DEPTOR: variants seen among roughly 807,000 people sequenced by gnomAD.
The protein encoded by DEPTOR is DEP domain-containing mTOR-interacting protein.
A neutral mutation model predicts 41.6 loss-of-function variants in DEPTOR; 41 were observed. The observed-to-expected ratio is 0.98, with a 90% CI of 0.77 to 1.28. The LOEUF is 1.28. Ranked by LOEUF, DEPTOR falls within the 50% of genes most tolerant of loss-of-function variation. The probability of loss-of-function intolerance (pLI) is 0.00; values close to 1 mark genes in which losing one functional copy is unlikely to be tolerated. For missense variants in DEPTOR, 514 were observed against 527.9 expected, an observed-to-expected ratio of 0.97 and a Z score of 0.26; for synonymous variants, 195 against 192.3, an observed-to-expected ratio of 1.01 and a Z score of -0.12.
chr8:119,887,747 C>T (rs1341657999), intron 1 of DEPTOR, among the ~76,000 whole-genome samples: 3 of 151,418 alleles, frequency 2.0e-5, no homozygotes, highest in Non-Finnish European at 4.4e-5. Flanking sequence ...TCAAGTGATC[C>T]GCCCACCTCA....
intron 1 of DEPTOR, among the ~76,000 whole-genome samples, chr8:119,892,604 T>C (rs538528549): frequency 1.3e-5 from 2 of 152,336 alleles, no homozygotes; most frequent in African/African-American, 4.8e-5. Flanking sequence ...ATTTTTCTTA[T>C]GCCTGTGTTG....
intron 4 of DEPTOR, among the ~76,000 whole-genome samples, chr8:119,978,705 G>T (rs1191985182): frequency 6.6e-6 from 1 of 152,098 alleles, no homozygotes. Context: ...TGGGACCCAG[G>T]CTCTCCTTAT....
At chr8:119,972,154 C>T (rs375309316) in intron 4 of DEPTOR, among the ~76,000 whole-genome samples, 6 of 152,186 alleles carry the variant, frequency 3.9e-5, no homozygotes, top group African/African-American at 9.6e-5. Flanking sequence ...CAGCATCTAC[C>T]TCTTATGGCC....
intron 3 of DEPTOR, among the ~76,000 whole-genome samples, chr8:119,964,991 T>G (rs1264744906): frequency 6.6e-6 from 1 of 152,002 alleles, no homozygotes; most frequent in Admixed American, 6.6e-5. Context: ...AAGAATTGCT[T>G]GAACCCAGGA....
chr8:119,879,367 G>T (rs1827268467), intron 1 of DEPTOR, among the ~76,000 whole-genome samples: 1 of 152,098 alleles, frequency 6.6e-6, no homozygotes. Context: ...GAGAAAACAT[G>T]TCTACATAAA....
At position 119,910,863 on chromosome 8, in the gene DEPTOR, G is replaced by C. The variant is rs868314070; in HGVS notation, c.123-17537G>C. 2.0e-5 allele frequency among the ~76,000 whole-genome samples: 3 copies of C among 152,316 alleles called. No individual in the cohort carries two copies. The South Asian group carries it at 6.2e-4, about 32-fold the overall frequency. ...ACATTTGACTACGTGAGTTAATGAT[G>C]AGTAAGGGATAGTTAACCCCCAAAA... is the stretch of plus-strand genomic sequence containing the variant. On this transcript the variant is annotated intron_variant, in intron 1 of 8. Coordinates refer to ENST00000286234, the MANE Select transcript of DEPTOR (RefSeq NM_022783.4).
At chr8:119,899,366 A>G (rs1371941859) in intron 1 of DEPTOR, among the ~76,000 whole-genome samples, 1 of 152,200 alleles carries the variant, frequency 6.6e-6, no homozygotes, top group Non-Finnish European at 1.5e-5. Flanking sequence ...TGAAGAAGGA[A>G]TTACCTGCTC....
intron 1 of DEPTOR, among the ~76,000 whole-genome samples, chr8:119,884,472 G>A (rs1827338550): frequency 6.6e-6 from 1 of 152,118 alleles, no homozygotes; most frequent in African/African-American, 2.4e-5. Context: ...AGTGTAGTGG[G>A]GGGACAGTGT....
intron 8 of DEPTOR, among the ~76,000 whole-genome samples, chr8:120,043,339 A>G (rs1363654470): frequency 6.6e-6 from 1 of 152,138 alleles, no homozygotes; most frequent in East Asian, 1.9e-4. Context: ...TTTTGAAGGC[A>G]TTATTTTTTG....
intron 3 of DEPTOR, among the ~76,000 whole-genome samples, chr8:119,958,497 TA>T (rs1828446984): frequency 6.6e-6 from 1 of 151,722 alleles, no homozygotes; most frequent in Admixed American, 6.6e-5. Context: ...AGAAGTTGCA[TA>T]ACGTGGCCGG....
intron 8 of DEPTOR, among the ~76,000 whole-genome samples, chr8:120,039,798 C>T (rs1452313156): frequency 6.6e-6 from 1 of 152,136 alleles, no homozygotes; most frequent in East Asian, 1.9e-4. Context: ...AAATTTGGCT[C>T]TAAAAATGAA....
intron 1 of DEPTOR, among the ~76,000 whole-genome samples, chr8:119,902,490 C>G (rs1272085009): frequency 6.6e-6 from 1 of 152,084 alleles, no homozygotes; most frequent in African/African-American, 2.4e-5. Context: ...CAGGCATGTG[C>G]CACCACACCT....
intron 8 of DEPTOR, among the ~76,000 whole-genome samples, chr8:120,010,946 C>A (rs1420553932): frequency 2.0e-5 from 3 of 152,136 alleles, no homozygotes; most frequent in Non-Finnish European, 2.9e-5. Flanking sequence ...AAATGTTTCA[C>A]AAAAGGGTAT....
intron 4 of DEPTOR, among the ~76,000 whole-genome samples, chr8:119,999,878 G>T (rs1812321769): frequency 6.6e-6 from 1 of 152,142 alleles, no homozygotes; most frequent in Non-Finnish European, 1.5e-5. Context: ...CATGATTGTT[G>T]TGGTGGTTAC....
At chr8:119,946,875 G>C (rs1329141103) in intron 3 of DEPTOR, among the ~76,000 whole-genome samples, 1 of 152,012 alleles carries the variant, frequency 6.6e-6, no homozygotes, top group East Asian at 1.9e-4. Context: ...GCTTTTCTCT[G>C]TTTCACCTGC....
chr8:119,905,469 G>A (rs1419262519), intron 1 of DEPTOR, among the ~76,000 whole-genome samples: 1 of 152,128 alleles, frequency 6.6e-6, no homozygotes, highest in African/African-American at 2.4e-5. Context: ...AGAGACAAGA[G>A]CAGGTGGAAA....
chr8:120,005,458 G>A (rs1241324640), intron 6 of DEPTOR, among the ~76,000 whole-genome samples: 6 of 152,200 alleles, frequency 3.9e-5, no homozygotes, highest in Admixed American at 1.3e-4. Context: ...ACCAGTGGGC[G>A]AGGTCCAGCT....
chr8:119,929,551 A>T (rs112369349), intron 2 of DEPTOR, among the ~76,000 whole-genome samples: 2 of 152,252 alleles, frequency 1.3e-5, no homozygotes, highest in African/African-American at 4.8e-5. Context: ...AATTGTGTGA[A>T]CTTCCTAAAT....
chr8:119,907,509 G>A (rs1470007257), intron 1 of DEPTOR, among the ~76,000 whole-genome samples: 1 of 152,168 alleles, frequency 6.6e-6, no homozygotes, highest in African/African-American at 2.4e-5. Flanking sequence ...CCTGCCCTTA[G>A]GGAGATGACT....
Sources: gnomAD v4.1 joint callset for allele counts (sites outside exome capture counted in the v4.1 genomes callset) on GRCh38, gnomAD v4.1.1 for gene constraint, MANE v1.5 for transcripts, NCBI Gene and HGNC (gene_info 2026-07-23, HGNC 2026-07-21) for gene names.